RPS6: variants seen among roughly 807,000 people sequenced by gnomAD.
The protein encoded by RPS6 is small ribosomal subunit protein eS6.
In RPS6, 1 loss-of-function variant was observed where a neutral mutation model predicts 27.1. The ratio of observed to expected loss-of-function variants is 0.04; its 90% CI spans 0.01 to 0.18. The LOEUF (loss-of-function observed/expected upper bound fraction) is 0.18. Among genes scored for constraint, RPS6 ranks in the 10% least tolerant of loss-of-function variants. The pLI, the probability that RPS6 is intolerant of heterozygous loss-of-function variation, is 1.00. For synonymous variants in RPS6, 152 were observed against 106.0 expected, an observed-to-expected ratio of 1.43 and a Z score of -2.66; for missense variants, 259 against 319.1, an observed-to-expected ratio of 0.81 and a Z score of 1.44.
At chr9:19,377,230 C>T (rs1429658675) in intron 4 of RPS6, among the ~76,000 whole-genome samples, 1 of 152,154 alleles carries the variant, frequency 6.6e-6, no homozygotes, top group African/African-American at 2.4e-5. Flanking sequence ...AGTTAACTGC[C>T]TTAGGCTAAA....
At chr9:19,379,257 C>T (rs1386704530) in intron 2 of RPS6, 4 of 1,424,628 alleles carry the variant, frequency 2.8e-6, no homozygotes, top group African/African-American at 1.4e-5. Context: ...TTGCCAAATG[C>T]ATGATGCAGG....
chr9:19,379,887 A>G, intron 1 of RPS6: 3 of 1,422,250 alleles, frequency 2.1e-6, no homozygotes, highest in Non-Finnish European at 9.1e-7. Flanking sequence ...TCCCGAAGCA[A>G]GAAAGCCGGG....
rs372950258 is a variant in RPS6, at chr9:19,379,472, T to C, written c.138+15A>G. Reference sequence around the variant, plus strand: ...TCTCTGACTTAAATACCTGCAACAATTTGTCAACTTTTACCTTCCATTCTT... The same window carrying C: ...TCTCTGACTTAAATACCTGCAACAACTTGTCAACTTTTACCTTCCATTCTT... On this transcript the variant is annotated intron_variant, in intron 2 of 5. Coordinates refer to ENST00000380394, the MANE Select transcript of RPS6 (RefSeq NM_001010.3). 41 of 1,613,936 alleles carry C rather than the reference T, an allele frequency of 2.5e-5. No individual in the cohort carries two copies. In the Middle Eastern group the frequency reaches 9.9e-4, roughly 39 times the overall value.
At chr9:19,379,879 C>A in intron 1 of RPS6, 1 of 1,423,876 alleles carries the variant, frequency 7.0e-7, no homozygotes. Flanking sequence ...GTTCACCCTC[C>A]CGAAGCAAGA....
At position 19,378,400 on chromosome 9, in the gene RPS6, T is replaced by C; in HGVS notation, c.464A>G (p.Gln155Arg). 5 of 1,613,202 alleles carry C rather than the reference T, an allele frequency of 3.1e-6. No individual in the cohort carries two copies. Among genetic ancestry groups the C allele is most frequent in the Non-Finnish European group, 3.4e-6 (4 of 1,180,010 alleles). ...ATTTAAGGGCTTTCTTACAACATAC[T>C]GGCGGACATCATCTTCTTTAGAGAG... ...FNLSKEDDVR[Q>R]YVVRKPLNKE... The change falls in exon 4 of 6, where the codon CAG (glutamine) becomes CGG (arginine). Residue 155 changes from glutamine (Q) to arginine (R), a missense_variant. Gln to Arg is a conservative substitution (Grantham distance 43). Transcript: ENST00000380394.
intron 2 of RPS6, 73 bp from the exon 3 acceptor site, chr9:19,378,991 CTG>C: frequency 1.5e-6 from 2 of 1,366,112 alleles, no homozygotes; most frequent in East Asian, 2.4e-5. Flanking sequence ...ATTGTGACCT[CTG>C]TGAACACACC....
intron 4 of RPS6, among the ~76,000 whole-genome samples, chr9:19,377,066 AG>A (rs1383682917): frequency 2.0e-5 from 3 of 152,198 alleles, no homozygotes; most frequent in East Asian, 1.9e-4. Flanking sequence ...CTGCCAATTC[AG>A]GGGTAACGTT....
In RPS6 at chr9:19,378,733, A is replaced by T; in HGVS notation, c.324T>A (p.Val108=). The T allele has an allele frequency of 6.2e-7, 1 of 1,614,154 alleles. No individual in the cohort carries two copies. The highest frequency in any genetic ancestry group is 8.5e-7 in the Non-Finnish European group (1 of 1,179,990). Residue 108 remains valine, a synonymous_variant, in exon 3 of 6, where the codon GTT becomes GTA. Coordinates refer to ENST00000380394, the MANE Select transcript of RPS6 (RefSeq NM_001010.3). The stretch of plus-strand genomic sequence containing the variant: ...CTTTTTTTACAATAACCAAGTTGAG[A>T]ACGCTCAGATTTGCATCCACAATGC... ...RGCIVDANLS[V]LNLVIVKKGE... is the part of the protein sequence containing the mutation.
intron 3 of RPS6, 92 bp from the exon 4 acceptor site, chr9:19,378,606 CAA>C: frequency 6.4e-7 from 1 of 1,573,070 alleles, no homozygotes; most frequent in Non-Finnish European, 8.7e-7. Context: ...GGTAGAGAAA[CAA>C]ATCCATTGGT....
Position 19,379,612 on chromosome 9 carries a change from T to A in RPS6, c.13A>T (p.Ile5Phe). The stretch of plus-strand genomic sequence containing the variant: ...TGGCAGCCAGTGGCTGGGAAGGAGA[T>A]GTTCAGCTAAGGATTAAAAGGGGGG... MKLN[I>F]SFPATGCQKL... Residue 5 changes from isoleucine to phenylalanine, a missense_variant, in exon 2 of 6, where the codon ATC (isoleucine) becomes TTC (phenylalanine). This residue lies in a region of RPS6 where 65 missense variants were observed against 66.6 expected (regional missense o/e 0.98). Coordinates refer to ENST00000380394, the MANE Select transcript of RPS6 (RefSeq NM_001010.3). 1 of 1,613,508 alleles carries A rather than the reference T, an allele frequency of 6.2e-7. No individual in the cohort carries two copies. Among genetic ancestry groups the A allele is most frequent in the Non-Finnish European group, 8.5e-7 (1 of 1,179,680 alleles).
At position 19,380,236 on chromosome 9, in the gene RPS6, G is replaced by C. The variant is rs369300231; in HGVS notation, c.-41C>G. ...CGCCTCCGAGGCGCCACGGAAAAGA[G>C]GGCCAACTTCCGCTTAGCGCAGGTC... is the stretch of plus-strand genomic sequence containing the variant. On this transcript the variant is annotated 5_prime_UTR_variant, in exon 1 of 6. Coordinates refer to ENST00000380394, the MANE Select transcript of RPS6 (RefSeq NM_001010.3). The C allele has an allele frequency of 1.1e-5, 18 of 1,608,102 alleles. No homozygotes were observed. Among genetic ancestry groups the C allele is most frequent in the African/African-American group, 4.0e-5 (3 of 74,756 alleles).
intron 1 of RPS6, chr9:19,379,820 C>T: frequency 1.4e-6 from 2 of 1,427,200 alleles, no homozygotes; most frequent in East Asian, 2.5e-5. Context: ...AGGACGTTTT[C>T]CCCTCAAGCC....
In RPS6 at chr9:19,378,903, T is replaced by C. The variant is rs1184292089; in HGVS notation, c.154A>G (p.Ile52Val). 1 of 1,614,180 alleles carries C rather than the reference T, an allele frequency of 6.2e-7. No homozygotes were observed. The highest frequency in any genetic ancestry group is 8.5e-7 in the Non-Finnish European group (1 of 1,180,010). Reference protein sequence around the residue: ...GEEWKGYVVRISGGNDKQGFP... With the variant: ...GEEWKGYVVRVSGGNDKQGFP... ...CCTTGTTTGTCGTTCCCACCACTGATTCGGACCACATAACCCTGCAAGAGC... is the reference window on the plus strand; with the variant it reads ...CCTTGTTTGTCGTTCCCACCACTGACTCGGACCACATAACCCTGCAAGAGC... Residue 52 changes from isoleucine (I) to valine (V), a missense_variant, in exon 3 of 6, where the codon ATC becomes GTC. By Grantham distance (29) the Ile-to-Val change is conservative. Around this residue, in one of 3 missense-constraint regions of RPS6, gnomAD observed 65 missense variants for 66.6 expected, o/e 0.98. Transcript: ENST00000380394.
Position 19,376,130 on chromosome 9 carries a change from C to T in RPS6, c.*163G>A, listed in dbSNP as rs1829580081. On this transcript the variant is annotated 3_prime_UTR_variant, in exon 6 of 6. Transcript: ENST00000380394. ...ACACTGACCTTGTCTTCCACTACCACACACAATAGGTCTGACTTTATCCAC... is the reference window on the plus strand; with the variant it reads ...ACACTGACCTTGTCTTCCACTACCATACACAATAGGTCTGACTTTATCCAC... 3.1e-6 allele frequency: 2 copies of T among 635,296 alleles called. No homozygotes were observed. The highest frequency in any genetic ancestry group is 5.3e-6 in the Non-Finnish European group (2 of 374,374). 39.4% of individuals were successfully genotyped at this position (635,296 alleles called of 1,614,324 possible). A position where few individuals can be genotyped will look rare whatever the true frequency, so the allele number is the denominator to read the frequency against.
At position 19,376,249 on chromosome 9, in the gene RPS6, CAG is replaced by C; in HGVS notation, c.*42_*43del. ...TTTTCTATCAGCAATGAAAAGTCAA[CAG>C]AGATCAGAGTCTGATCTTATTTATT... On this transcript the variant is annotated 3_prime_UTR_variant, in exon 6 of 6. Transcript: ENST00000380394. 1 of 1,473,660 alleles carries C rather than the reference CAG, an allele frequency of 6.8e-7. No homozygotes were observed. The allele number at this position is 1,473,660 out of a possible 1,614,324, so 91.3% of individuals were successfully genotyped here. A position where few individuals can be genotyped will look rare whatever the true frequency, so the allele number is the denominator to read the frequency against.
intron 4 of RPS6, 64 bp downstream of exon 4, chr9:19,378,304 T>G: frequency 6.6e-7 from 1 of 1,511,314 alleles, no homozygotes; most frequent in Non-Finnish European, 9.1e-7. Flanking sequence ...TCTTCTGATA[T>G]GCACACAAAA....
intron 4 of RPS6, among the ~76,000 whole-genome samples, chr9:19,378,099 TAAAGTCAGGTTATTTTTGGA>T (rs1186422241): frequency 2.4e-4 from 36 of 152,318 alleles, no homozygotes; most frequent in Admixed American, 1.4e-3. Context: ...GCAATGACCT[TAAAGTCAGGTTATTTTTGGA>T]TAATGTATAC....
At position 19,376,613 on chromosome 9, in the gene RPS6, G is replaced by C. The variant is rs1440680091; in HGVS notation, c.535C>G (p.Leu179Val). 6.2e-7 allele frequency: 1 copy of C among 1,614,008 alleles called. No individual in the cohort carries two copies. Among genetic ancestry groups the C allele is most frequent in the East Asian group, 2.2e-5 (1 of 44,898 alleles). The change falls in exon 5 of 6, where the codon CTT (leucine) becomes GTT (valine). Residue 179 changes from leucine (L) to valine (V), a missense_variant. Physicochemically the swap from Leu to Val is conservative, Grantham distance 32. Transcript: ENST00000380394. ...PRTKAPKIQR[L>V]VTPRVLQHKR... ...TGCTGCAGGACACGTGGAGTAACAA[G>C]ACGCTGAATCTTGGGTGCTTTGGTC...
At chr9:19,379,313 C>T (rs1459721095) in intron 2 of RPS6, 174 bp downstream of exon 2, 13 of 1,495,946 alleles carry the variant, frequency 8.7e-6, no homozygotes, top group Non-Finnish European at 1.1e-5. Context: ...TTATGGCTTA[C>T]TCTACGTCCC....
Sources: gnomAD v4.1 joint callset for allele counts (sites outside exome capture counted in the v4.1 genomes callset) on GRCh38, gnomAD v4.1.1 for gene constraint, gnomAD v4.1.1 regional missense constraint, MANE v1.5 for transcripts, NCBI Gene and HGNC (gene_info 2026-07-23, HGNC 2026-07-21) for gene names.